Variants in GABRB2 observed in about 807,000 individuals in gnomAD.
GABRB2 encodes gamma-aminobutyric acid receptor subunit beta-2.
A neutral mutation model predicts 54.7 loss-of-function variants in GABRB2; 16 were observed. That is an observed-to-expected ratio of 0.29 (90% CI 0.20 to 0.44). The LOEUF is 0.44. Ranked by LOEUF, GABRB2 falls within the 20% of genes least tolerant of loss-of-function variation. The pLI, the probability that GABRB2 is intolerant of heterozygous loss-of-function variation, is 1.00. For synonymous variants in GABRB2, 244 were observed against 233.8 expected (o/e 1.04, Z -0.40); for missense variants, 355 against 644.0 (o/e 0.55, Z 4.86).
intron 3 of GABRB2, among the ~76,000 whole-genome samples, chr5:161,516,376 A>C (rs1759948546): frequency 1.3e-5 from 2 of 151,736 alleles, no homozygotes; most frequent in Admixed American, 1.3e-4. Context: ...GCAGATGAGG[A>C]AATTATGTGA....
At chr5:161,329,476 C>T (rs779685229) in intron 8 of GABRB2, 5 of 152,114 alleles carry the variant, frequency 3.3e-5, no homozygotes, top group Admixed American at 1.3e-4. Flanking sequence ...TTGCAAATAT[C>T]ATCTTCTAAG....
chr5:161,501,343 T>C (rs1759435431), intron 3 of GABRB2, among the ~76,000 whole-genome samples: 1 of 152,124 alleles, frequency 6.6e-6, no homozygotes, highest in African/African-American at 2.4e-5. Flanking sequence ...AGAAAATAAT[T>C]TGCCTTTAGC....
rs1753947684 is a variant in GABRB2 at position 161,334,910 on chromosome 5, A to G, written c.680-6T>C. 13 of 1,613,460 alleles carry G rather than the reference A, an allele frequency of 8.1e-6. No individual in the cohort carries two copies. The highest frequency in any genetic ancestry group is 1.1e-5 in the Non-Finnish European group (13 of 1,179,594). ...GGATAACCTGGGATAGGAACCTAGA[A>G]AGGCAATTTTAGAACATCATCATTA... On this transcript the variant is annotated splice_polypyrimidine_tract_variant and splice_region_variant and intron_variant, in intron 6 of 9. Coordinates refer to ENST00000393959, the MANE Select transcript of GABRB2 (RefSeq NM_001371727.1).
chr5:161,336,721 T>C lies in GABRB2; in HGVS notation c.590A>G (p.Asn197Ser). Residue 197 changes from asparagine to serine, a missense_variant, in exon 6 of 10, where the codon AAT becomes AGT. Asn to Ser is a conservative substitution (Grantham distance 46). Coordinates refer to ENST00000393959, the MANE Select transcript of GABRB2 (RefSeq NM_001371727.1). ...DIEFYWRGDDNAVTGVTKIEL... is the reference protein window; with the variant it reads ...DIEFYWRGDDSAVTGVTKIEL... ...AATTTTCGTTACTCCTGTTACTGCATTATCATCGCCACGCCAGTAAAACTC... is the reference window on the plus strand; with the variant it reads ...AATTTTCGTTACTCCTGTTACTGCACTATCATCGCCACGCCAGTAAAACTC... The C allele has an allele frequency of 6.2e-7, 1 of 1,613,198 alleles. No individual in the cohort carries two copies. Among genetic ancestry groups the C allele is most frequent in the Non-Finnish European group, 8.5e-7 (1 of 1,179,680 alleles).
At chr5:161,307,036 G>A (rs898178660) in intron 9 of GABRB2, among the ~76,000 whole-genome samples, 4 of 152,208 alleles carry the variant, frequency 2.6e-5, no homozygotes, top group African/African-American at 9.6e-5. Flanking sequence ...GCGCATGGTT[G>A]ATGCTAAATG....
chr5:161,491,413 A>G (rs776781954), intron 3 of GABRB2, among the ~76,000 whole-genome samples: 1 of 151,680 alleles, frequency 6.6e-6, no homozygotes, highest in Non-Finnish European at 1.5e-5. Flanking sequence ...TCGATTTAAA[A>G]CTTCTCAGAT....
intron 7 of GABRB2, among the ~76,000 whole-genome samples, chr5:161,332,059 G>T (rs369845221): frequency 6.6e-6 from 1 of 151,324 alleles, no homozygotes; most frequent in African/African-American, 2.4e-5. Context: ...CCAGCTACTC[G>T]GGAGGCTGAG....
chr5:161,547,884 C>T (rs891998134), upstream of GABRB2: 5 of 152,230 alleles, frequency 3.3e-5, no homozygotes, highest in African/African-American at 1.2e-4. Context: ...GCCATCCCTC[C>T]TTACCTCGCA....
rs1156421716 is a variant in GABRB2, at chr5:161,289,880, T to C, written c.*4201A>G. ...CTGTCTGGGATTCCCAAACCATTTATGCAAAAGGGTGTTTAAATTACTCTG... is the reference window on the plus strand; with the variant it reads ...CTGTCTGGGATTCCCAAACCATTTACGCAAAAGGGTGTTTAAATTACTCTG... On this transcript the variant is annotated 3_prime_UTR_variant, in exon 10 of 10. Transcript: ENST00000393959. 3.9e-5 allele frequency: 6 copies of C among 151,990 alleles called. No individual in the cohort carries two copies. Among genetic ancestry groups the C allele is most frequent in the Non-Finnish European group, 7.4e-5 (5 of 67,980 alleles). The allele number at this position is 151,990 out of a possible 1,614,324, so 9.4% of individuals were successfully genotyped here. A position where few individuals can be genotyped will look rare whatever the true frequency, so the allele number is the denominator to read the frequency against.
At chr5:161,517,350 A>G (rs778807276) in intron 3 of GABRB2, among the ~76,000 whole-genome samples, 2 of 152,156 alleles carry the variant, frequency 1.3e-5, no homozygotes, top group Non-Finnish European at 2.9e-5. Flanking sequence ...CCAAAAATAT[A>G]TTTGTGTAGC....
chr5:161,472,370 C>T (rs764615594), intron 3 of GABRB2, among the ~76,000 whole-genome samples: 1 of 151,582 alleles, frequency 6.6e-6, no homozygotes, highest in Non-Finnish European at 1.5e-5. Context: ...ACCCATCCTT[C>T]GCCAACATTG....
intron 5 of GABRB2, among the ~76,000 whole-genome samples, chr5:161,396,987 A>G (rs1235056148): frequency 1.3e-5 from 2 of 152,194 alleles, no homozygotes; most frequent in Non-Finnish European, 2.9e-5. Flanking sequence ...TAAAGAGCTT[A>G]CCTAGAATGT....
At chr5:161,443,538 T>C (rs767602087) in intron 4 of GABRB2, among the ~76,000 whole-genome samples, 1 of 152,200 alleles carries the variant, frequency 6.6e-6, no homozygotes, top group Non-Finnish European at 1.5e-5. Context: ...TTCAGCTCCA[T>C]AAGTCAGTCC....
At chr5:161,445,427 C>G (rs547981957) in intron 4 of GABRB2, among the ~76,000 whole-genome samples, 1 of 152,016 alleles carries the variant, frequency 6.6e-6, no homozygotes, top group Non-Finnish European at 1.5e-5. Flanking sequence ...CTAAGCCCCC[C>G]AATCCCCACC....
chr5:161,539,975 T>C (rs1760761669), intron 3 of GABRB2, among the ~76,000 whole-genome samples: 1 of 152,198 alleles, frequency 6.6e-6, no homozygotes, highest in South Asian at 2.1e-4. Flanking sequence ...ATGTCTTGGC[T>C]CCATGTTAAT....
Position 161,378,196 on chromosome 5 carries a change from C to A in GABRB2, c.541+32779G>T, listed in dbSNP as rs189261643. 2.6e-5 allele frequency among the ~76,000 whole-genome samples: 4 copies of A among 152,122 alleles called. No individual in the cohort carries two copies. The East Asian group carries it at 7.7e-4, about 29-fold the overall frequency. ...ATTTAACCTTTTGGAAAATCTGTTT[C>A]ATTATCTGTAAATTGGAAGGATAAT... On this transcript the variant is annotated intron_variant, in intron 5 of 9. Coordinates refer to ENST00000393959, the MANE Select transcript of GABRB2 (RefSeq NM_001371727.1).
chr5:161,339,915 C>T (rs958536273), intron 5 of GABRB2, among the ~76,000 whole-genome samples: 1 of 151,844 alleles, frequency 6.6e-6, no homozygotes, highest in African/African-American at 2.4e-5. Flanking sequence ...CCCTGCCCCA[C>T]CATTAGGACA....
chr5:161,351,519 C>T (rs554869431), intron 5 of GABRB2, among the ~76,000 whole-genome samples: 1 of 152,154 alleles, frequency 6.6e-6, no homozygotes, highest in African/African-American at 2.4e-5. Context: ...AATTAAAACC[C>T]TTGTTCCATG....
Position 161,290,575 on chromosome 5 carries a change from A to G in GABRB2, c.*3506T>C, listed in dbSNP as rs1461994386. 1 of 152,602 alleles carries G rather than the reference A, an allele frequency of 6.6e-6. No homozygotes were observed. The highest frequency in any genetic ancestry group is 1.5e-5 in the Non-Finnish European group (1 of 68,016). The allele number at this position is 152,602 out of a possible 1,614,324, so 9.5% of individuals were successfully genotyped here. A position where few individuals can be genotyped will look rare whatever the true frequency, so the allele number is the denominator to read the frequency against. On this transcript the variant is annotated 3_prime_UTR_variant, in exon 10 of 10. Transcript: ENST00000393959. Reference sequence around the variant, plus strand: ...ACTGGTTTAATGAAGGAAATAAAACATATTAGCTTATTCCTTTTGTTTTCC... The same window carrying G: ...ACTGGTTTAATGAAGGAAATAAAACGTATTAGCTTATTCCTTTTGTTTTCC...
Sources: gnomAD v4.1 joint callset for allele counts (sites outside exome capture counted in the v4.1 genomes callset) on GRCh38, gnomAD v4.1.1 for gene constraint, MANE v1.5 for transcripts, NCBI Gene and HGNC (gene_info 2026-07-23, HGNC 2026-07-21) for gene names.